Variants in AOPEP observed in about 807,000 individuals in gnomAD.
AOPEP encodes the protein aminopeptidase O (putative), also known as aminopeptidase O.
AOPEP carries 77 observed loss-of-function variants against 98.1 expected under a neutral mutation model. The observed-to-expected ratio is 0.78, with a 90% CI of 0.65 to 0.95. The LOEUF (loss-of-function observed/expected upper bound fraction) is 0.95. AOPEP is among the 40% of genes least tolerant of loss of function. The pLI, the probability that AOPEP is intolerant of heterozygous loss-of-function variation, is 0.00. For missense variants in AOPEP, 1,024 were observed against 1,024.7 expected (o/e 1.00, Z 0.01); for synonymous variants, 346 against 365.3 (o/e 0.95, Z 0.60).
chr9:94,822,010 C>T (rs1853312584), intron 5 of AOPEP, among the ~76,000 whole-genome samples: 1 of 76,122 alleles, frequency 1.3e-5, no homozygotes, highest in Admixed American at 1.3e-4. Flanking sequence ...CACACACACA[C>T]ACGCAGGCAT....
At chr9:94,779,509 A>G (rs1302655355) in intron 3 of AOPEP, among the ~76,000 whole-genome samples, 2 of 152,222 alleles carry the variant, frequency 1.3e-5, no homozygotes, top group Non-Finnish European at 2.9e-5. Context: ...TATTTATATT[A>G]GAATGACATT....
intron 5 of AOPEP, among the ~76,000 whole-genome samples, chr9:94,887,237 ACTT>A (rs1238275631): frequency 4.6e-5 from 7 of 152,190 alleles, no homozygotes; most frequent in African/African-American, 1.7e-4. Flanking sequence ...AGTCCCAGCT[ACTT>A]GGGGAGCTGA....
At chr9:95,031,167 T>G (rs1451227521) in intron 13 of AOPEP, among the ~76,000 whole-genome samples, 1 of 152,208 alleles carries the variant, frequency 6.6e-6, no homozygotes, top group Non-Finnish European at 1.5e-5. Flanking sequence ...TCTGGTGGTG[T>G]TAACAGCACA....
At chr9:95,093,486 A>G in the AOPEP span, among the ~76,000 whole-genome samples, 3 of 152,214 alleles carry the variant, frequency 2.0e-5, no homozygotes, top group African/African-American at 7.2e-5. Flanking sequence ...GGCAGCGTTT[A>G]ACGGCAGCCC....
At chr9:94,819,207 T>C (rs1852407260) in intron 5 of AOPEP, among the ~76,000 whole-genome samples, 1 of 152,202 alleles carries the variant, frequency 6.6e-6, no homozygotes, top group Non-Finnish European at 1.5e-5. Context: ...GCCTGTCAGC[T>C]CCTGAAACAG....
chr9:94,779,857 CT>C (rs1161677083), intron 3 of AOPEP, among the ~76,000 whole-genome samples: 1 of 152,092 alleles, frequency 6.6e-6, no homozygotes, highest in Non-Finnish European at 1.5e-5. Flanking sequence ...TCCCTGTAAA[CT>C]TTTGTTTACA....
intron 13 of AOPEP, among the ~76,000 whole-genome samples, chr9:95,012,975 C>CT (rs2062659133): frequency 2.0e-5 from 1 of 50,050 alleles, no homozygotes; most frequent in South Asian, 6.1e-4. Context: ...TAGAGTTTTC[C>CT]TGTTTTTTTT....
the AOPEP span, chr9:95,125,193 A>G: frequency 7.5e-6 from 12 of 1,608,238 alleles, no homozygotes; most frequent in Admixed American, 1.8e-4. Context: ...CACCTGAACA[A>G]TGCAAAGTCA....
chr9:95,120,860 T>C, the AOPEP span, among the ~76,000 whole-genome samples: 2 of 152,240 alleles, frequency 1.3e-5, no homozygotes, highest in Admixed American at 6.5e-5. Context: ...ATTGGTTTTC[T>C]TTTTTCCCCT....
chr9:94,856,658 A>G (rs1164013313), intron 5 of AOPEP, among the ~76,000 whole-genome samples: 2 of 151,362 alleles, frequency 1.3e-5, no homozygotes, highest in Non-Finnish European at 1.5e-5. Flanking sequence ...AAAAAAAAAA[A>G]AAAAAGCAGG....
downstream of AOPEP, among the ~76,000 whole-genome samples, chr9:95,090,029 T>TG (rs1390791599): frequency 6.6e-6 from 1 of 152,190 alleles, no homozygotes; most frequent in Non-Finnish European, 1.5e-5. Flanking sequence ...TAAAATGACT[T>TG]GCAGATGCCA....
chr9:94,932,373 A>C (rs2055474616), intron 7 of AOPEP: 1 of 716,876 alleles, frequency 1.4e-6, no homozygotes, highest in Non-Finnish European at 1.7e-6. Flanking sequence ...TTTGGCTCTG[A>C]CTTACTAGTT....
chr9:94,967,824 T>C (rs1238140768), intron 10 of AOPEP, 23 bp downstream of exon 10: 1 of 1,595,368 alleles, frequency 6.3e-7, no homozygotes, highest in Admixed American at 1.7e-5. Context: ...TTAGGAATTT[T>C]GGAATTAAGA....
At chr9:95,062,662 T>C (rs1467149673) in intron 14 of AOPEP, among the ~76,000 whole-genome samples, 2 of 152,198 alleles carry the variant, frequency 1.3e-5, no homozygotes, top group Non-Finnish European at 2.9e-5. Context: ...GGTGCTTCTG[T>C]GTATGGGCTG....
In AOPEP at chr9:94,760,500, C is replaced by G. The variant is rs1168338339; in HGVS notation, c.717C>G (p.Asp239Glu). The G allele has an allele frequency of 1.2e-6, 2 of 1,609,562 alleles. No individual in the cohort carries two copies. The highest frequency in any genetic ancestry group is 1.7e-5 in the Admixed American group (1 of 59,008). Residue 239 changes from aspartate (D) to glutamate (E), a missense_variant, in exon 2 of 17, where the codon GAC becomes GAG. Around this residue, in one of 3 missense-constraint regions of AOPEP, gnomAD observed 440 missense variants for 433.8 expected, o/e 1.01. Coordinates refer to ENST00000375315, the MANE Select transcript of AOPEP (RefSeq NM_001193329.3). ...AGACAGGGGCTCAGACAGCTACTGA[C>G]TTTCCTCATGCTATCAGGATATGGT... is the stretch of plus-strand genomic sequence containing the variant. The part of the protein sequence containing the change: ...IRKTGAQTAT[D>E]FPHAIRIWYK...
At chr9:95,012,208 G>A (rs1011674989) in intron 13 of AOPEP, among the ~76,000 whole-genome samples, 1 of 152,188 alleles carries the variant, frequency 6.6e-6, no homozygotes, top group Non-Finnish European at 1.5e-5. Context: ...TCTCTTTAGT[G>A]CAGGTTATTG....
At chr9:95,036,321 A>G (rs1005196231) in intron 13 of AOPEP, among the ~76,000 whole-genome samples, 3 of 152,232 alleles carry the variant, frequency 2.0e-5, no homozygotes, top group African/African-American at 7.2e-5. Flanking sequence ...TTAAGTTATA[A>G]TTCATGAAGA....
At chr9:94,852,112 A>G (rs2043626841) in intron 5 of AOPEP, among the ~76,000 whole-genome samples, 1 of 152,110 alleles carries the variant, frequency 6.6e-6, no homozygotes, top group African/African-American at 2.4e-5. Context: ...TGATAATTTG[A>G]GCGGCTGCTA....
In AOPEP at chr9:95,045,214, C is replaced by T. The variant is rs2065736757; in HGVS notation, c.2116-15480C>T. Among the ~76,000 whole-genome samples the T allele has an allele frequency of 2.0e-5, 3 of 152,208 alleles. No individual in the cohort carries two copies. The South Asian group carries it at 6.2e-4, about 31-fold the overall frequency. ...AAATCACTGTGCTTGGAGGAAAGGA[C>T]GACAGGTTTTAAAGAGGGAGTGTCA... On this transcript the variant is annotated intron_variant, in intron 13 of 16. Coordinates refer to ENST00000375315, the MANE Select transcript of AOPEP (RefSeq NM_001193329.3).
Sources: allele counts gnomAD v4.1 joint callset (sites outside exome capture counted in the v4.1 genomes callset), GRCh38; gene constraint gnomAD v4.1.1; regional missense constraint gnomAD v4.1.1; transcripts MANE v1.5; gene names NCBI Gene and HGNC (gene_info 2026-07-23, HGNC 2026-07-21).